The following KATNB1 variants were observed in gnomAD, a reference collection of about 807,000 sequenced individuals.
KATNB1 encodes the protein katanin p80 WD40 repeat-containing subunit B1.
KATNB1 carries 38 observed loss-of-function variants against 82.3 expected under a neutral mutation model. The ratio of observed to expected loss-of-function variants is 0.46; its 90% CI spans 0.36 to 0.61. The LOEUF (loss-of-function observed/expected upper bound fraction) is 0.61. KATNB1 is among the 20% of genes least tolerant of loss of function. KATNB1 has a pLI of 0.00. For missense variants in KATNB1, 749 were observed against 915.7 expected, an observed-to-expected ratio of 0.82 and a Z score of 2.35; for synonymous variants, 361 against 368.7, an observed-to-expected ratio of 0.98 and a Z score of 0.24.
chr16:57,756,929 A>G lies in KATNB1; in HGVS notation c.1951A>G (p.Met651Val). Residue 651 changes from methionine to valine, a missense_variant, in exon 20 of 20, where the codon ATG (methionine) becomes GTG (valine). This residue lies in a region of KATNB1 where 95 missense variants were observed against 131.6 expected (regional missense o/e 0.72). Coordinates refer to ENST00000379661, the MANE Select transcript of KATNB1 (RefSeq NM_005886.3). ...GSTFRELHLL[M>V]ASLD ...TACCTTCCGCGAGCTGCACCTGCTC[A>G]TGGCCAGTCTGGACTGAGGAAAGCA... 6.5e-6 allele frequency: 10 copies of G among 1,546,910 alleles called. No individual in the cohort carries two copies. Among genetic ancestry groups the G allele is most frequent in the East Asian group, 4.9e-5 (2 of 40,928 alleles).
chr16:57,757,019 C>G lies in KATNB1; in HGVS notation c.*73C>G. 1 of 1,392,454 alleles carries G rather than the reference C, an allele frequency of 7.2e-7. No homozygotes were observed. The highest frequency in any genetic ancestry group is 2.7e-5 in the East Asian group (1 of 36,740). The allele number at this position is 1,392,454 out of a possible 1,614,324, so 86.3% of individuals were successfully genotyped here. A position where few individuals can be genotyped will look rare whatever the true frequency, so the allele number is the denominator to read the frequency against. ...AGCCCCCACTCCTGTTCCTTGTGCA[C>G]CCACTGGCCCATGAGCCTCTGCCTG... On this transcript the variant is annotated 3_prime_UTR_variant, in exon 20 of 20. Transcript: ENST00000379661.
intron 19 of KATNB1, 110 bp from the exon 20 acceptor site, chr16:57,756,704 C>T (rs2049290683): frequency 2.1e-6 from 3 of 1,429,440 alleles, no homozygotes; most frequent in Middle Eastern, 4.8e-4. Context: ...TCTGGGCCTC[C>T]GCCTTCCCTT....
chr16:57,737,313 C>T, intron 2 of KATNB1, 30 bp downstream of exon 2: 6 of 1,613,544 alleles, frequency 3.7e-6, no homozygotes, highest in Non-Finnish European at 5.1e-6. Context: ...CTTTATCACC[C>T]CATTTATTCT....
chr16:57,754,959 C>A lies in KATNB1; in HGVS notation c.1258C>A (p.Pro420Thr). Residue 420 changes from proline (P) to threonine (T), a missense_variant, in exon 14 of 20, where the codon CCC becomes ACC. Pro to Thr is a conservative substitution (Grantham distance 38). Coordinates refer to ENST00000379661, the MANE Select transcript of KATNB1 (RefSeq NM_005886.3). ...AGCCACAGCAAAGGAGGCAGCAAAG[C>A]CCAGCCCTGCCATGGATGTGCAGTT... ...DAATAKEAAK[P>T]SPAMDVQFPV... is the part of the protein sequence containing the mutation. The A allele has an allele frequency of 4.3e-6, 7 of 1,614,102 alleles. No homozygotes were observed. The highest frequency in any genetic ancestry group is 5.9e-6 in the Non-Finnish European group (7 of 1,180,028).
At chr16:57,739,595 G>A (rs1366899231) in intron 2 of KATNB1, among the ~76,000 whole-genome samples, 7 of 152,212 alleles carry the variant, frequency 4.6e-5, no homozygotes, top group Non-Finnish European at 7.3e-5. Context: ...AGGAGCTCTT[G>A]GGGTGGTGCC....
rs573369519 is a variant in KATNB1 at position 57,737,174 on chromosome 16, C to T, written c.-70C>T. 6.4e-7 allele frequency: 1 copy of T among 1,553,888 alleles called. No individual in the cohort carries two copies. The highest frequency in any genetic ancestry group is 1.4e-5 in the African/African-American group (1 of 73,804). ...TTGATTGGTGGATCTGGGGGGGGAT[C>T]CACCCCCACCCCACGAGGAAAGCAC... is the stretch of plus-strand genomic sequence containing the variant. On this transcript the variant is annotated 5_prime_UTR_variant, in exon 2 of 20. Coordinates refer to ENST00000379661, the MANE Select transcript of KATNB1 (RefSeq NM_005886.3).
Position 57,741,685 on chromosome 16 carries a change from A to G in KATNB1, c.41-2A>G, listed in dbSNP as rs1555579545. On this transcript the variant is annotated splice_acceptor_variant, in intron 2 of 19. Coordinates refer to ENST00000379661, the MANE Select transcript of KATNB1 (RefSeq NM_005886.3). LOFTEE classifies it high-confidence loss of function. The stretch of plus-strand genomic sequence containing the variant: ...GGCCTCTCCCTCTCCTTCCCTGTGT[A>G]GAAGAGATCGTCGCGCATGCCAGCA... 6.2e-7 allele frequency: 1 copy of G among 1,613,138 alleles called. No homozygotes were observed. The highest frequency in any genetic ancestry group is 1.7e-5 in the Admixed American group (1 of 59,898).
rs141820607 is a variant in KATNB1, at chr16:57,756,819, A to G, written c.1841A>G (p.His614Arg). The G allele has an allele frequency of 9.0e-5, 142 of 1,570,126 alleles. No individual in the cohort carries two copies. The highest frequency in any genetic ancestry group is 1.6e-4 in the Admixed American group (9 of 55,296). The change falls in exon 20 of 20, where the codon CAT becomes CGT. Residue 614 changes from histidine to arginine, a missense_variant. His to Arg is a conservative substitution (Grantham distance 29). Coordinates refer to ENST00000379661, the MANE Select transcript of KATNB1 (RefSeq NM_005886.3). ...GVDISREERL[H>R]KCRLCYKQLK... is the part of the protein sequence containing the mutation. The stretch of plus-strand genomic sequence containing the variant: ...AGGCACTGCCCTCTCTACAGGCTGC[A>G]TAAGTGCCGGCTCTGCTACAAGCAG...
At chr16:57,754,684 G>A (rs1469275301) in intron 13 of KATNB1, among the ~76,000 whole-genome samples, 1 of 152,112 alleles carries the variant, frequency 6.6e-6, no homozygotes, top group Non-Finnish European at 1.5e-5. Context: ...GGACAGGATG[G>A]CCACATCCTA....
rs781790958 is a variant in KATNB1 at position 57,755,187 on chromosome 16, C to G, written c.1365C>G (p.Ile455Met). Residue 455 changes from isoleucine to methionine, a missense_variant, in exon 15 of 20, where the codon ATC becomes ATG. This residue lies in a region of KATNB1 where 407 missense variants were observed against 434.7 expected (regional missense o/e 0.94). Transcript: ENST00000379661. ...TPAPKAEPAI[I>M]PATRNEPIGL... ...CACCCAAGGCTGAGCCTGCCATCAT[C>G]CCTGCCACCCGGAACGAGCCCATCG... The G allele has an allele frequency of 6.2e-7, 1 of 1,612,398 alleles. No individual in the cohort carries two copies. The highest frequency in any genetic ancestry group is 8.5e-7 in the Non-Finnish European group (1 of 1,179,954).
Position 57,741,790 on chromosome 16 carries a change from G to A in KATNB1, c.144G>A (p.Trp48Ter). 1 of 1,613,668 alleles carries A rather than the reference G, an allele frequency of 6.2e-7. No homozygotes were observed. Among genetic ancestry groups the A allele is most frequent in the Non-Finnish European group, 8.5e-7 (1 of 1,179,962 alleles). The stretch of plus-strand genomic sequence containing the variant: ...GGGATGACTGCCGCGTCAACCTGTG[G>A]TCCATCAACAAGCCCAACTGCATCA... ...TGGDDCRVNL[W>*]SINKPNCIMS... The change falls in exon 3 of 20, where the codon TGG becomes TGA. Residue 48 changes from tryptophan to a stop codon, truncating the protein, a stop_gained. Coordinates refer to ENST00000379661, the MANE Select transcript of KATNB1 (RefSeq NM_005886.3). LOFTEE classifies it high-confidence loss of function.
At chr16:57,754,046 T>C (rs1294223627) in intron 13 of KATNB1, 51 bp downstream of exon 13, 39 of 1,469,894 alleles carry the variant, frequency 2.7e-5, no homozygotes, top group Non-Finnish European at 3.4e-5. Flanking sequence ...CCCCCGTCCC[T>C]CATCTTCTCT....
At chr16:57,749,539 C>G (rs1157944068) in intron 4 of KATNB1, among the ~76,000 whole-genome samples, 3 of 152,232 alleles carry the variant, frequency 2.0e-5, no homozygotes, top group Non-Finnish European at 4.4e-5. Flanking sequence ...CACTACCTCA[C>G]AAGGTGACCT....
intron 2 of KATNB1, among the ~76,000 whole-genome samples, chr16:57,741,081 C>T (rs1220407524): frequency 6.6e-6 from 1 of 152,196 alleles, no homozygotes; most frequent in Non-Finnish European, 1.5e-5. Flanking sequence ...AGATCACAGA[C>T]CTCAGACCAG....
At position 57,751,881 on chromosome 16, in the gene KATNB1, G is replaced by A. The variant is rs575012509; in HGVS notation, c.517-59G>A. ...GATAAAGAGCTTGGCCTGGATTAGA[G>A]GGAGGGTGGGCAGCCAAGATGCCTG... On this transcript the variant is annotated intron_variant, in intron 7 of 19. Coordinates refer to ENST00000379661, the MANE Select transcript of KATNB1 (RefSeq NM_005886.3). The surrounding 1 kb of genome is among the most constrained non-coding windows in gnomAD (Gnocchi z 6.3). The A allele has an allele frequency of 2.7e-6, 4 of 1,456,472 alleles. No individual in the cohort carries two copies. In the African/African-American group the frequency reaches 5.6e-5, roughly 20 times the overall value. 90.2% of individuals were successfully genotyped at this position (1,456,472 alleles called of 1,614,324 possible). A position where few individuals can be genotyped will look rare whatever the true frequency, so the allele number is the denominator to read the frequency against.
At chr16:57,738,105 A>G (rs572137712) in intron 2 of KATNB1, among the ~76,000 whole-genome samples, 29 of 152,118 alleles carry the variant, frequency 1.9e-4, no homozygotes, top group African/African-American at 5.3e-4. Flanking sequence ...GCATCCCCAG[A>G]TCATATTTTG....
At chr16:57,740,057 C>T (rs1567895960) in intron 2 of KATNB1, among the ~76,000 whole-genome samples, 1 of 152,184 alleles carries the variant, frequency 6.6e-6, no homozygotes, top group Non-Finnish European at 1.5e-5. Flanking sequence ...GTGCTTTGCC[C>T]TCTTTCTGGG....
Position 57,756,970 on chromosome 16 carries a change from CG to C in KATNB1, c.*26del. 1 of 1,491,286 alleles carries C rather than the reference CG, an allele frequency of 6.7e-7. No individual in the cohort carries two copies. The allele number at this position is 1,491,286 out of a possible 1,614,324, so 92.4% of individuals were successfully genotyped here. A position where few individuals can be genotyped will look rare whatever the true frequency, so the allele number is the denominator to read the frequency against. ...GAGGAAAGCAGTGGGCAGGGGCGCT[CG>C]GCAGCCCACAGGGCCTGGCCTCAGC... is the stretch of plus-strand genomic sequence containing the variant. On this transcript the variant is annotated 3_prime_UTR_variant, in exon 20 of 20. Transcript: ENST00000379661.
At chr16:57,746,177 A>T (rs1456190133) in intron 4 of KATNB1, among the ~76,000 whole-genome samples, 7 of 152,094 alleles carry the variant, frequency 4.6e-5, no homozygotes, top group Non-Finnish European at 1.0e-4. Context: ...TGTTTGTTTT[A>T]TGAGTTTGAG....
Sources: allele counts gnomAD v4.1 joint callset (sites outside exome capture counted in the v4.1 genomes callset), GRCh38; gene constraint gnomAD v4.1.1; regional missense constraint gnomAD v4.1.1; non-coding constraint Gnocchi (gnomAD v3.1); transcripts MANE v1.5; gene names NCBI Gene and HGNC (gene_info 2026-07-23, HGNC 2026-07-21).